LTBP1: variants seen among roughly 807,000 people sequenced by gnomAD.
The protein encoded by LTBP1 is latent transforming growth factor beta binding protein 1, also known as latent-transforming growth factor beta-binding protein 1.
Under a neutral mutation model 207.6 loss-of-function variants are expected in LTBP1, and 129 were observed. The observed-to-expected ratio is 0.62, with a 90% CI of 0.54 to 0.72. The LOEUF is 0.72. Among genes scored for constraint, LTBP1 ranks in the 30% least tolerant of loss-of-function variants. The pLI is 0.00. For missense variants in LTBP1, 2,281 were observed against 2,217.2 expected, an observed-to-expected ratio of 1.03 and a Z score of -0.58; for synonymous variants, 963 against 833.7, an observed-to-expected ratio of 1.16 and a Z score of -2.67.
intron 3 of LTBP1, among the ~76,000 whole-genome samples, chr2:33,097,455 G>A (rs2079458827): frequency 6.6e-6 from 1 of 152,092 alleles, no homozygotes; most frequent in Admixed American, 6.6e-5. Context: ...GATCATTGGA[G>A]TTATTTTGTT....
In LTBP1 at chr2:33,300,490, G is replaced by A. The variant is rs766868611; in HGVS notation, c.3275G>A (p.Gly1092Glu). ...CAGCAAGGGAATCTATGTGTAAACGGGCAGTGCAAAAATACCGAGGGCTCC... is the reference window on the plus strand; with the variant it reads ...CAGCAAGGGAATCTATGTGTAAACGAGCAGTGCAAAAATACCGAGGGCTCC... Reference protein sequence around the residue: ...ECQQGNLCVNGQCKNTEGSFR... With the variant: ...ECQQGNLCVNEQCKNTEGSFR... The change falls in exon 21 of 34, where the codon GGG becomes GAG. Residue 1092 changes from glycine to glutamate, a missense_variant. By Grantham distance (98) the Gly-to-Glu change is moderately conservative. Transcript: ENST00000404816. 14 of 1,613,682 alleles carry A rather than the reference G, an allele frequency of 8.7e-6. No homozygotes were observed. Among genetic ancestry groups the A allele is most frequent in the Non-Finnish European group, 1.2e-5 (14 of 1,179,808 alleles).
At chr2:33,153,949 C>T (rs554189235) in intron 5 of LTBP1, among the ~76,000 whole-genome samples, 6 of 152,266 alleles carry the variant, frequency 3.9e-5, no homozygotes, top group African/African-American at 1.4e-4. Flanking sequence ...TCCCCCAGCC[C>T]CCTCCTGCAG....
chr2:32,971,202 T>C (rs562119539), intron 2 of LTBP1, among the ~76,000 whole-genome samples: 17 of 152,302 alleles, frequency 1.1e-4, no homozygotes, highest in Admixed American at 2.0e-4. Context: ...GCAGAAACTT[T>C]GGGGTTTTCT....
chr2:33,151,626 C>T (rs761647575), intron 5 of LTBP1, among the ~76,000 whole-genome samples: 5 of 152,112 alleles, frequency 3.3e-5, no homozygotes, highest in Non-Finnish European at 5.9e-5. Flanking sequence ...CCCACCCTTC[C>T]CTCTAAGTCT....
In LTBP1 at chr2:33,360,728, G is replaced by A. The variant is rs779579409; in HGVS notation, c.4132G>A (p.Val1378Met). 102 of 1,613,922 alleles carry A rather than the reference G, an allele frequency of 6.3e-5. No individual in the cohort carries two copies. The highest frequency in any genetic ancestry group is 6.9e-5 in the Non-Finnish European group (81 of 1,179,918). ...ACAAGAATGCTGCTGTACATCAGGC[G>A]TGGGATGGGGAGATAACTGCGAAAT... Reference protein sequence around the residue: ...TKQECCCTSGVGWGDNCEIFP... With the variant: ...TKQECCCTSGMGWGDNCEIFP... Residue 1378 changes from valine to methionine, a missense_variant, in exon 27 of 34, where the codon GTG becomes ATG. Val to Met is a conservative substitution (Grantham distance 21). Around this residue, in one of 3 missense-constraint regions of LTBP1, gnomAD observed 1,671 missense variants for 1,634.8 expected, o/e 1.02. Transcript: ENST00000404816.
chr2:33,011,817 C>G (rs959871644), intron 2 of LTBP1, among the ~76,000 whole-genome samples: 1 of 151,928 alleles, frequency 6.6e-6, no homozygotes, highest in African/African-American at 2.4e-5. Context: ...TTTATCCTCC[C>G]AAACCTGATC....
chr2:33,101,462 A>T (rs938231154), intron 3 of LTBP1, among the ~76,000 whole-genome samples: 1 of 152,074 alleles, frequency 6.6e-6, no homozygotes, highest in African/African-American at 2.4e-5. Context: ...AAAAGAAATC[A>T]CTCATCCTTA....
intron 7 of LTBP1, among the ~76,000 whole-genome samples, chr2:33,193,762 G>T (rs72855789): frequency 0.029 from 4,389 of 152,082 alleles, 213 homozygotes; most frequent in African/African-American, 0.1. Context: ...TTGTTTTGGG[G>T]CATCACAAAC....
chr2:33,370,767 C>G lies in LTBP1; in HGVS notation c.4711+5264C>G, dbSNP rs114824362. Among the ~76,000 whole-genome samples, 1,497 of 152,308 alleles carry G rather than the reference C, an allele frequency of 9.8e-3. 25 individuals carry two copies. The highest frequency in any genetic ancestry group is 0.034 in the African/African-American group (1,421 of 41,548). ...CCAGCCTGTCAGACATCATGCATCC[C>G]ATTTTCCTTAGGAGTGCAGTACTGC... On this transcript the variant is annotated intron_variant, in intron 31 of 33. Transcript: ENST00000404816.
chr2:33,116,582 G>A (rs967976370), intron 4 of LTBP1, among the ~76,000 whole-genome samples: 1 of 150,074 alleles, frequency 6.7e-6, no homozygotes, highest in Non-Finnish European at 1.5e-5. Flanking sequence ...AGAAAAGTAA[G>A]GACAAGCCCA....
intron 3 of LTBP1, among the ~76,000 whole-genome samples, chr2:33,035,533 A>T (rs2075879789): frequency 6.6e-6 from 1 of 152,222 alleles, no homozygotes; most frequent in Non-Finnish European, 1.5e-5. Flanking sequence ...AGTCTACTGT[A>T]TTTCTTCATA....
chr2:33,259,702 G>A, intron 13 of LTBP1, 92 bp downstream of exon 13: 1 of 1,205,348 alleles, frequency 8.3e-7, no homozygotes, highest in Admixed American at 2.1e-5. Flanking sequence ...CTTAAATATA[G>A]TAACATCTCT....
chr2:33,158,340 T>G lies in LTBP1; in HGVS notation c.1201+23380T>G, dbSNP rs183576381. Among the ~76,000 whole-genome samples the G allele has an allele frequency of 1.3e-3, 202 of 152,252 alleles. 1 individual carries two copies. Among genetic ancestry groups the G allele is most frequent in the African/African-American group, 4.7e-3 (194 of 41,552 alleles). ...AGTTACATAGAAGTAAGTAGTTACA[T>G]AGAAGAAATATTCTATGTAACTGGG... is the stretch of plus-strand genomic sequence containing the variant. On this transcript the variant is annotated intron_variant, in intron 5 of 33. Coordinates refer to ENST00000404816, the MANE Select transcript of LTBP1 (RefSeq NM_206943.4).
intron 21 of LTBP1, 67 bp from the exon 22 acceptor site, chr2:33,301,455 T>C (rs1235328562): frequency 1.3e-5 from 19 of 1,498,804 alleles, no homozygotes; most frequent in South Asian, 8.6e-5. Flanking sequence ...ACTGATCCAA[T>C]TGAGACTGAT....
chr2:32,970,844 G>A (rs2148576177), intron 2 of LTBP1, among the ~76,000 whole-genome samples: 1 of 152,004 alleles, frequency 6.6e-6, no homozygotes, highest in Admixed American at 6.6e-5. Flanking sequence ...AATTGCTTTG[G>A]GCAGTATGGT....
At chr2:33,299,061 G>T (rs2093934974) in intron 20 of LTBP1, among the ~76,000 whole-genome samples, 1 of 152,052 alleles carries the variant, frequency 6.6e-6, no homozygotes, top group Non-Finnish European at 1.5e-5. Context: ...GGATCATGAG[G>T]TCAAGAGATC....
chr2:33,343,036 G>A lies in LTBP1; in HGVS notation c.3856+73G>A, dbSNP rs2094649690. 2.0e-5 allele frequency: 30 copies of A among 1,499,460 alleles called. No homozygotes were observed. In the South Asian group the frequency reaches 3.3e-4, roughly 16 times the overall value. 92.9% of individuals were successfully genotyped at this position (1,499,460 alleles called of 1,614,324 possible). ...AAAGAAATCACAGTGAACAACAGGAGCTTTTAAGCAGGTAATTTGGGTAGA... is the reference window on the plus strand; with the variant it reads ...AAAGAAATCACAGTGAACAACAGGAACTTTTAAGCAGGTAATTTGGGTAGA... On this transcript the variant is annotated intron_variant, in intron 25 of 33. Transcript: ENST00000404816.
chr2:33,281,075 A>G (rs1290404294), intron 19 of LTBP1, among the ~76,000 whole-genome samples: 1 of 152,170 alleles, frequency 6.6e-6, no homozygotes, highest in Non-Finnish European at 1.5e-5. Context: ...TCTCTAAAAT[A>G]TGAAACAAAA....
At chr2:33,044,929 A>G (rs991279409) in intron 3 of LTBP1, among the ~76,000 whole-genome samples, 3 of 151,682 alleles carry the variant, frequency 2.0e-5, no homozygotes, top group Non-Finnish European at 4.4e-5. Flanking sequence ...GTGTCTGTTC[A>G]TATCCTTTGC....
Sources: gnomAD v4.1 joint callset for allele counts (sites outside exome capture counted in the v4.1 genomes callset) on GRCh38, gnomAD v4.1.1 for gene constraint, gnomAD v4.1.1 regional missense constraint, MANE v1.5 for transcripts, NCBI Gene and HGNC (gene_info 2026-07-23, HGNC 2026-07-21) for gene names.